DYSF: variants seen among roughly 807,000 people sequenced by gnomAD.
DYSF encodes the protein dysferlin, also known as dystrophy-associated fer-1-like 1.
Under a neutral mutation model 274.9 loss-of-function variants are expected in DYSF, and 212 were observed. The ratio of observed to expected loss-of-function variants is 0.77; its 90% confidence interval spans 0.69 to 0.86. The LOEUF (loss-of-function observed/expected upper bound fraction) is 0.86, where lower values mean the gene tolerates loss of function less well. Among genes scored for constraint, DYSF ranks in the 40% least tolerant of loss-of-function variants. The pLI, the probability that DYSF is intolerant of heterozygous loss-of-function variation, is 0.00. For synonymous variants in DYSF, 1,091 were observed against 1,078.7 expected (o/e 1.01, Z -0.22); for missense variants, 2,666 against 2,783.2 (o/e 0.96, Z 0.95).
intron 3 of DYSF, among the ~76,000 whole-genome samples, chr2:71,487,958 G>A (rs1353841208): frequency 6.6e-6 from 1 of 152,196 alleles, no homozygotes. Context: ...ACTGCACATG[G>A]TAAAATTGTT....
chr2:71,628,115 T>G (rs1286568826), intron 41 of DYSF, among the ~76,000 whole-genome samples: 3 of 152,134 alleles, frequency 2.0e-5, no homozygotes, highest in Non-Finnish European at 4.4e-5. Flanking sequence ...AATTAAAATA[T>G]TCCCCTCCTT....
Position 71,592,598 on chromosome 2 carries a change from A to C in DYSF, c.3574+2310A>C, listed in dbSNP as rs544401907. On this transcript the variant is annotated intron_variant, in intron 32 of 55. Transcript: ENST00000410020. ...GGCTGGCATTTCTCTGAGGAAACTC[A>C]TGTGTGAATCCGGAATGTCTGGGGC... Among the ~76,000 whole-genome samples, 10 of 151,862 alleles carry C rather than the reference A, an allele frequency of 6.6e-5. No individual in the cohort carries two copies. The East Asian group carries it at 1.7e-3, about 26-fold the overall frequency.
At chr2:71,469,690 C>T (rs572739756) in intron 1 of DYSF, among the ~76,000 whole-genome samples, 1 of 152,284 alleles carries the variant, frequency 6.6e-6, no homozygotes, top group East Asian at 1.9e-4. Context: ...TTTGGCTTCC[C>T]TGTCTAAGCA....
chr2:71,492,478 T>C (rs115556164), intron 3 of DYSF, among the ~76,000 whole-genome samples: 37 of 152,288 alleles, frequency 2.4e-4, no homozygotes, highest in African/African-American at 8.9e-4. Flanking sequence ...GCAATACATA[T>C]ATAGTTTTAA....
chr2:71,569,753 G>A (rs750151750), intron 26 of DYSF, 67 bp from the exon 27 acceptor site: 20 of 1,372,634 alleles, frequency 1.5e-5, no homozygotes, highest in Non-Finnish European at 2.1e-5. Context: ...TGCTCTCCAG[G>A]AGGTGGTAGA....
chr2:71,667,746 G>T (rs1331563601), intron 48 of DYSF, among the ~76,000 whole-genome samples: 1 of 152,154 alleles, frequency 6.6e-6, no homozygotes, highest in Non-Finnish European at 1.5e-5. Flanking sequence ...ACGAGGCTGA[G>T]CTTCTCCCCT....
In DYSF at chr2:71,466,723, G is replaced by T. The variant is rs1022208781; in HGVS notation, c.-120G>T. 2 of 1,395,088 alleles carry T rather than the reference G, an allele frequency of 1.4e-6. No homozygotes were observed. Among genetic ancestry groups the T allele is most frequent in the Non-Finnish European group, 1.9e-6 (2 of 1,073,468 alleles). The allele number at this position is 1,395,088 out of a possible 1,614,324, so 86.4% of individuals were successfully genotyped here. ...CACTTCTCCGCGGAGGAGCAGCGAA[G>T]GCGACAGCTCTCTTGGCGCGGCTGC... On this transcript the variant is annotated 5_prime_UTR_variant, in exon 1 of 56. In the 5' UTR this introduces an upstream ATG that the reference lacks. Transcript: ENST00000410020.
chr2:71,513,204 C>T, intron 5 of DYSF, 36 bp from the exon 6 acceptor site: 19 of 1,547,904 alleles, frequency 1.2e-5, no homozygotes, highest in Non-Finnish European at 1.7e-5. Flanking sequence ...AACCTCCTCC[C>T]TCCCCTCCCG....
chr2:71,570,569 G>C, intron 28 of DYSF, 30 bp from the exon 29 acceptor site: 1 of 1,611,664 alleles, frequency 6.2e-7, no homozygotes, highest in Non-Finnish European at 8.5e-7. Flanking sequence ...GAACTGCCAA[G>C]CAATGAGTGA....
intron 17 of DYSF, among the ~76,000 whole-genome samples, chr2:71,540,146 C>T (rs946007290): frequency 6.7e-6 from 1 of 149,180 alleles, no homozygotes; most frequent in African/African-American, 2.5e-5. Context: ...GAGTCTTGCC[C>T]TGTTGCCAGG....
intron 13 of DYSF, 59 bp downstream of exon 13, chr2:71,526,405 T>TGGGGCTGGGGGGG: frequency 2.7e-6 from 1 of 370,360 alleles, no homozygotes; most frequent in Non-Finnish European, 3.9e-6. Context: ...GCAGGGCTGG[T>TGGGGCTGGGGGGG]GGGGGTGGGC....
chr2:71,526,286 G>C lies in DYSF; in HGVS notation c.1216G>C (p.Val406Leu), dbSNP rs150724610. 8.3e-3 allele frequency: 13,380 copies of C among 1,614,228 alleles called. 81 individuals carry two copies. The highest frequency in any genetic ancestry group is 0.01 in the Non-Finnish European group (11,967 of 1,180,036). Reference sequence around the variant, plus strand: ...AAGCAACCTGCTCCGGCCCACAGGCGTAGCCCTGCGAGGAGCCCACTTCTG... The same window carrying C: ...AAGCAACCTGCTCCGGCCCACAGGCCTAGCCCTGCGAGGAGCCCACTTCTG... ...IESNLLRPTGVALRGAHFCLK... is the reference protein window; with the variant it reads ...IESNLLRPTGLALRGAHFCLK... The change falls in exon 13 of 56, where the codon GTA becomes CTA. Residue 406 changes from valine (V) to leucine (L), a missense_variant. Around this residue, in one of 3 missense-constraint regions of DYSF, gnomAD observed 794 missense variants for 777.1 expected, o/e 1.02. Coordinates refer to ENST00000410020, the MANE Select transcript of DYSF (RefSeq NM_001130987.2).
At chr2:71,651,707 C>T (rs910990796) in intron 42 of DYSF, among the ~76,000 whole-genome samples, 3 of 151,990 alleles carry the variant, frequency 2.0e-5, no homozygotes, top group African/African-American at 7.2e-5. Context: ...AAAGTTCAGC[C>T]ATATGTATAA....
At chr2:71,476,332 A>G (rs768712435) in intron 1 of DYSF, among the ~76,000 whole-genome samples, 1 of 152,078 alleles carries the variant, frequency 6.6e-6, no homozygotes, top group Non-Finnish European at 1.5e-5. Context: ...TGGGCAGACC[A>G]CCTGAGGTCA....
chr2:71,480,690 G>A (rs922154602), intron 1 of DYSF, among the ~76,000 whole-genome samples, 193 bp from the exon 2 acceptor site: 2 of 152,196 alleles, frequency 1.3e-5, no homozygotes. Context: ...ATGTCCCAGA[G>A]CTGAGAGGGG....
rs774070544 is a variant in DYSF, at chr2:71,658,928, C to T, written c.4806C>T (p.Pro1602=). The T allele has an allele frequency of 3.1e-6, 5 of 1,614,206 alleles. No individual in the cohort carries two copies. In the East Asian group the frequency reaches 6.7e-5, roughly 22 times the overall value. Residue 1602 remains proline (P), a synonymous_variant, in exon 44 of 56, where the codon CCC becomes CCT. Transcript: ENST00000410020. ...CAGAAGACCCAGCCATCCCCATGCC[C>T]CCAAGACAGTTCCACCAGCTGGCCG... The part of the protein sequence containing the change: ...PLPEDPAIPM[P]PRQFHQLAAQ...
At chr2:71,583,556 T>G (rs1001152599) in intron 30 of DYSF, among the ~76,000 whole-genome samples, 1 of 152,202 alleles carries the variant, frequency 6.6e-6, no homozygotes, top group African/African-American at 2.4e-5. Flanking sequence ...TGTGACTTGT[T>G]GCTGTGTCCA....
At position 71,612,341 on chromosome 2, in the gene DYSF, T is replaced by A. The variant is rs1574345634; in HGVS notation, c.4222-300T>A. On this transcript the variant is annotated intron_variant, in intron 38 of 55. Coordinates refer to ENST00000410020, the MANE Select transcript of DYSF (RefSeq NM_001130987.2). ...AAGAAATGTTGAGTCCCGGGCCAAC[T>A]CCCCTCGCCCGCTCCCCAGCCAGTG... 3.3e-5 allele frequency among the ~76,000 whole-genome samples: 5 copies of A among 152,206 alleles called. No individual in the cohort carries two copies. In the East Asian group the frequency reaches 9.7e-4, roughly 30 times the overall value.
At chr2:71,456,966 G>A (rs967519548) in intron 1 of DYSF, among the ~76,000 whole-genome samples, 1 of 152,170 alleles carries the variant, frequency 6.6e-6, no homozygotes, top group Admixed American at 6.5e-5. Context: ...GGGAGTGCAG[G>A]GCTGCAGGAG....
Sources: gnomAD v4.1 joint callset for allele counts (sites outside exome capture counted in the v4.1 genomes callset) on GRCh38, gnomAD v4.1.1 for gene constraint, gnomAD v4.1.1 regional missense constraint, MANE v1.5 for transcripts, NCBI Gene and HGNC (gene_info 2026-07-23, HGNC 2026-07-21) for gene names.